The following CUZD1 variants were observed in gnomAD, a reference collection of about 807,000 sequenced individuals.
The protein encoded by CUZD1 is CUB and zona pellucida like domains 1, also known as CUB and zona pellucida-like domain-containing protein 1.
A neutral mutation model predicts 53.1 loss-of-function variants in CUZD1; 42 were observed. The observed-to-expected ratio is 0.79, with a 90% CI of 0.62 to 1.02. CUZD1 has a LOEUF of 1.02. Ranked by LOEUF, CUZD1 falls within the 50% of genes least tolerant of loss-of-function variation. The probability of loss-of-function intolerance (pLI) is 0.00; values close to 1 mark genes in which losing one functional copy is unlikely to be tolerated. For missense variants in CUZD1, 670 were observed against 715.7 expected, an observed-to-expected ratio of 0.94 and a Z score of 0.73; for synonymous variants, 238 against 257.2, an observed-to-expected ratio of 0.93 and a Z score of 0.71.
rs752424627 is a variant in CUZD1 at position 122,836,892 on chromosome 10, G to A, written c.756C>T (p.Ala252=). 3 of 1,614,050 alleles carry A rather than the reference G, an allele frequency of 1.9e-6. No individual in the cohort carries two copies. Among genetic ancestry groups the A allele is most frequent in the Non-Finnish European group, 2.5e-6 (3 of 1,179,952 alleles). Residue 252 remains alanine (A), a synonymous_variant, in exon 5 of 9, where the codon GCC becomes GCT. Coordinates refer to ENST00000392790, the MANE Select transcript of CUZD1 (RefSeq NM_022034.6). ...SLTVVLSTDY[A]NSYRGFSASY... ...AAGCAGAAAATCCCCGGTAAGAATT[G>A]GCATAATCTGTAGACAACACGACAG...
In CUZD1 at chr10:122,839,105, G is replaced by C. The variant is rs563640546; in HGVS notation, c.360C>G (p.Ser120=). The change falls in exon 3 of 9, where the codon TCC becomes TCG. Residue 120 remains serine, a synonymous_variant. Transcript: ENST00000392790. ...NDYVPVFESS[S]STLTFQIVTD... ...TAACTATTTGAAACGTCAATGTACTGGATGATGATTCAAATACAGGAACAT... is the reference window on the plus strand; with the variant it reads ...TAACTATTTGAAACGTCAATGTACTCGATGATGATTCAAATACAGGAACAT... 14 of 1,614,036 alleles carry C rather than the reference G, an allele frequency of 8.7e-6. No individual in the cohort carries two copies. In the Admixed American group the frequency reaches 2.3e-4, roughly 27 times the overall value.
chr10:122,836,121 A>T, intron 6 of CUZD1, 57 bp downstream of exon 6: 1 of 1,488,680 alleles, frequency 6.7e-7, no homozygotes, highest in Non-Finnish European at 9.0e-7. Context: ...CCCTGACTGC[A>T]TTGCTCAACA....
chr10:122,832,983 T>A (rs1847182964), intron 8 of CUZD1, among the ~76,000 whole-genome samples: 1 of 152,220 alleles, frequency 6.6e-6, no homozygotes, highest in South Asian at 2.1e-4. Context: ...GTTTTTGCCA[T>A]AGAAATATTT....
chr10:122,832,292 G>A lies in CUZD1; in HGVS notation c.1810C>T (p.Leu604=), dbSNP rs145984488. The A allele has an allele frequency of 1.3e-5, 21 of 1,613,952 alleles. No individual in the cohort carries two copies. The African/African-American group carries it at 2.5e-4, about 19-fold the overall frequency. Residue 604 remains leucine, a synonymous_variant, in exon 9 of 9, where the codon CTG becomes TTG. Coordinates refer to ENST00000392790, the MANE Select transcript of CUZD1 (RefSeq NM_022034.6). The part of the protein sequence containing the change: ...NQRADYKYQK[L]QNY ...GGACCTGTTAGTTAATAGTTCTGCAGCTTCTGGTATTTGTAGTCTGCCCGT... is the reference window on the plus strand; with the variant it reads ...GGACCTGTTAGTTAATAGTTCTGCAACTTCTGGTATTTGTAGTCTGCCCGT...
chr10:122,835,029 G>A lies in CUZD1; in HGVS notation c.1059C>T (p.Ile353=). ...TFSASSTSEV[I]TRQKQLQIIV... Reference sequence around the variant, plus strand: ...TAATCTGGAGTTGTTTCTGACGGGTGATCACTTCAGAAGTTGAGGATGCAG... The same window carrying A: ...TAATCTGGAGTTGTTTCTGACGGGTAATCACTTCAGAAGTTGAGGATGCAG... The change falls in exon 7 of 9, where the codon ATC becomes ATT. Residue 353 remains isoleucine (I), a synonymous_variant. Coordinates refer to ENST00000392790, the MANE Select transcript of CUZD1 (RefSeq NM_022034.6). The A allele has an allele frequency of 3.1e-6, 5 of 1,612,240 alleles. No individual in the cohort carries two copies. Among genetic ancestry groups the A allele is most frequent in the Non-Finnish European group, 4.2e-6 (5 of 1,178,802 alleles).
chr10:122,841,059 T>C, intron 2 of CUZD1, 119 bp downstream of exon 2: 2 of 910,218 alleles, frequency 2.2e-6, no homozygotes, highest in Non-Finnish European at 3.4e-6. Context: ...TCACGATGGT[T>C]GTCAGTGTCA....
chr10:122,833,065 T>G (rs1847184477), intron 8 of CUZD1, among the ~76,000 whole-genome samples: 1 of 152,238 alleles, frequency 6.6e-6, no homozygotes, highest in Non-Finnish European at 1.5e-5. Flanking sequence ...ATAAGGTCCT[T>G]TAATGCCATT....
intron 6 of CUZD1, among the ~76,000 whole-genome samples, chr10:122,835,774 A>T (rs552091185): frequency 4.6e-5 from 7 of 152,262 alleles, no homozygotes; most frequent in East Asian, 1.9e-4. Context: ...GGGTTTTTTT[A>T]AATGTTTTTT....
chr10:122,843,810 C>CATATATATATATATAT lies in CUZD1; in HGVS notation c.82+1936_82+1951dup, dbSNP rs61634361. Among the ~76,000 whole-genome samples, 378 of 137,316 alleles carry CATATATATATATATAT rather than the reference C, an allele frequency of 2.8e-3. 2 individuals carry two copies. Among genetic ancestry groups the CATATATATATATATAT allele is most frequent in the African/African-American group, 9.4e-3 (342 of 36,236 alleles). 90.1% of individuals were successfully genotyped at this position (137,316 alleles called of 152,430 possible). ...CTTTCTTCATACATATATATACATA[C>CATATATATATATATAT]ATATATATATATATATATATATGTC... On this transcript the variant is annotated intron_variant, in intron 1 of 8. Transcript: ENST00000392790.
intron 2 of CUZD1, among the ~76,000 whole-genome samples, chr10:122,840,930 C>T (rs1005799454): frequency 3.3e-5 from 5 of 152,156 alleles, no homozygotes; most frequent in African/African-American, 1.2e-4. Flanking sequence ...GACAAGTTCT[C>T]AACCTTGTTG....
chr10:122,838,200 C>T lies in CUZD1; in HGVS notation c.449-646G>A, dbSNP rs41307058. 1,282 of 152,498 alleles carry T rather than the reference C, an allele frequency of 8.4e-3. 9 individuals are homozygous for T. The highest frequency in any genetic ancestry group is 0.017 in the Middle Eastern group (5 of 294). 9.4% of individuals were successfully genotyped at this position (152,498 alleles called of 1,614,324 possible). ...TAGATTGGCTGAAGCATAGGGTGCA[C>T]GCCAGGCAGCAGCTAGAGGCAAGGC... On this transcript the variant is annotated intron_variant, in intron 3 of 8. Transcript: ENST00000392790.
intron 1 of CUZD1, 54 bp from the exon 2 acceptor site, chr10:122,841,382 C>T: frequency 6.6e-7 from 1 of 1,510,882 alleles, no homozygotes; most frequent in Non-Finnish European, 8.9e-7. Context: ...TTTCCCCTCC[C>T]TGAGAGATTA....
At chr10:122,843,949 CTATA>C (rs1170989626) in intron 1 of CUZD1, among the ~76,000 whole-genome samples, 21 of 145,854 alleles carry the variant, frequency 1.4e-4, no homozygotes, top group Admixed American at 8.3e-4. Context: ...TATATAGAGA[CTATA>C]TATATAGACT....
chr10:122,843,051 G>A (rs1177542181), intron 1 of CUZD1, among the ~76,000 whole-genome samples: 2 of 152,158 alleles, frequency 1.3e-5, no homozygotes, highest in Non-Finnish European at 2.9e-5. Context: ...AAACAGTCTG[G>A]CAGTTCCTCA....
At chr10:122,835,866 G>A (rs1273128081) in intron 6 of CUZD1, among the ~76,000 whole-genome samples, 1 of 152,000 alleles carries the variant, frequency 6.6e-6, no homozygotes, top group South Asian at 2.1e-4. Context: ...AACATTTTCT[G>A]CATAAGTGTT....
At chr10:122,839,329 G>T in intron 2 of CUZD1, 98 bp from the exon 3 acceptor site, 1 of 1,026,518 alleles carries the variant, frequency 9.7e-7, no homozygotes. Flanking sequence ...TTTACAAAGT[G>T]GTGGCACATC....
chr10:122,842,480 A>G (rs189996092), intron 1 of CUZD1, among the ~76,000 whole-genome samples: 3 of 152,278 alleles, frequency 2.0e-5, no homozygotes, highest in Admixed American at 1.3e-4. Context: ...TTCTCTGTCT[A>G]TCCTTTTGGC....
chr10:122,834,828 T>C lies in CUZD1; in HGVS notation c.1260A>G (p.Gln420=). 1 of 1,613,846 alleles carries C rather than the reference T, an allele frequency of 6.2e-7. No homozygotes were observed. The highest frequency in any genetic ancestry group is 1.1e-5 in the South Asian group (1 of 91,064). Residue 420 remains glutamine, a synonymous_variant, in exon 7 of 9, where the codon CAA becomes CAG. Transcript: ENST00000392790. The part of the protein sequence containing the change: ...LESPYYVDLN[Q]TLFVQVSLHT... ...GCAGACTAACTTGAACAAAAAGAGT[T>C]TGGTTCAAATCCACATAATATGGTG...
intron 1 of CUZD1, among the ~76,000 whole-genome samples, chr10:122,843,374 C>CA (rs1205033763): frequency 6.6e-6 from 1 of 152,002 alleles, no homozygotes; most frequent in Non-Finnish European, 1.5e-5. Context: ...ACAGTGTTTG[C>CA]ATGTGACCTA....
Sources: allele counts gnomAD v4.1 joint callset (sites outside exome capture counted in the v4.1 genomes callset), GRCh38; gene constraint gnomAD v4.1.1; transcripts MANE v1.5; gene names NCBI Gene and HGNC (gene_info 2026-07-23, HGNC 2026-07-21).